VPS53: variants seen among roughly 807,000 people sequenced by gnomAD.
VPS53 encodes the protein VPS53 subunit of GARP complex, also known as vacuolar protein sorting-associated protein 53 homolog.
A neutral mutation model predicts 107.0 loss-of-function variants in VPS53; 70 were observed. The observed-to-expected ratio is 0.65, with a 90% CI of 0.54 to 0.80. VPS53 has a LOEUF of 0.80. Ranked by LOEUF, VPS53 falls within the 30% of genes least tolerant of loss-of-function variation. The probability of loss-of-function intolerance (pLI) is 0.00; values close to 1 mark genes in which losing one functional copy is unlikely to be tolerated. For synonymous variants in VPS53, 409 were observed against 393.3 expected, an observed-to-expected ratio of 1.04 and a Z score of -0.47; for missense variants, 917 against 1,049.4, an observed-to-expected ratio of 0.87 and a Z score of 1.74.
intron 4 of VPS53, among the ~76,000 whole-genome samples, chr17:678,545 C>T (rs1278230910): frequency 6.6e-6 from 1 of 151,774 alleles, no homozygotes; most frequent in Non-Finnish European, 1.5e-5. Flanking sequence ...CGGCTCACTA[C>T]AACCTCTGCC....
chr17:590,188 T>G (rs1439499287), intron 12 of VPS53, among the ~76,000 whole-genome samples: 1 of 151,914 alleles, frequency 6.6e-6, no homozygotes, highest in East Asian at 1.9e-4. Flanking sequence ...TGTCTGTTGT[T>G]GGTGTATAAG....
At chr17:612,643 C>T (rs867713178) in intron 11 of VPS53, among the ~76,000 whole-genome samples, 27 of 143,514 alleles carry the variant, frequency 1.9e-4, no homozygotes, top group African/African-American at 5.0e-4. Flanking sequence ...GTTCACACAG[C>T]GAAAACCTGT....
chr17:709,112 C>T (rs1203126400), intron 2 of VPS53, among the ~76,000 whole-genome samples: 1 of 152,116 alleles, frequency 6.6e-6, no homozygotes, highest in African/African-American at 2.4e-5. Context: ...GAGAACTTCC[C>T]GTTAAGCCCC....
At chr17:573,728 C>T (rs1014962446) in intron 13 of VPS53, among the ~76,000 whole-genome samples, 1 of 152,150 alleles carries the variant, frequency 6.6e-6, no homozygotes, top group Non-Finnish European at 1.5e-5. Context: ...TGCTCAAGGT[C>T]CCAGCCTAGC....
chr17:625,228 A>G (rs1969650625), intron 10 of VPS53, among the ~76,000 whole-genome samples: 1 of 151,794 alleles, frequency 6.6e-6, no homozygotes, highest in South Asian at 2.1e-4. Context: ...GGCTCATATG[A>G]TCCACCTGCC....
chr17:709,787 T>A (rs1180468070), intron 2 of VPS53, among the ~76,000 whole-genome samples: 1 of 152,124 alleles, frequency 6.6e-6, no homozygotes, highest in Non-Finnish European at 1.5e-5. Flanking sequence ...AAACCAATTT[T>A]GTAAGAAAAT....
chr17:565,495 T>C (rs183200330), intron 13 of VPS53, among the ~76,000 whole-genome samples: 3 of 151,864 alleles, frequency 2.0e-5, no homozygotes, highest in East Asian at 3.9e-4. Context: ...GCTTCTGGCC[T>C]AGGCTAAGTC....
chr17:573,190 C>T (rs538024862), intron 13 of VPS53, among the ~76,000 whole-genome samples: 3 of 152,236 alleles, frequency 2.0e-5, no homozygotes, highest in East Asian at 3.9e-4. Flanking sequence ...TGATGGAGAA[C>T]GCCATAGAAT....
At chr17:649,972 A>C (rs1398046964) in intron 7 of VPS53, among the ~76,000 whole-genome samples, 2 of 152,214 alleles carry the variant, frequency 1.3e-5, no homozygotes, top group Non-Finnish European at 2.9e-5. Flanking sequence ...TTAAAATAGG[A>C]AGACTGGGTT....
In VPS53 at chr17:520,038, G is replaced by A. The variant is rs1908605989; in HGVS notation, c.2224-108C>T. 1 of 725,924 alleles carries A rather than the reference G, an allele frequency of 1.4e-6. No homozygotes were observed. The highest frequency in any genetic ancestry group is 2.7e-5 in the East Asian group (1 of 36,914). 45.0% of individuals were successfully genotyped at this position (725,924 alleles called of 1,614,324 possible). On this transcript the variant is annotated intron_variant, in intron 20 of 21. Transcript: ENST00000437048. The surrounding 1 kb of genome is among the most constrained non-coding windows in gnomAD (Gnocchi z 4.4). The stretch of plus-strand genomic sequence containing the variant: ...CACTACCCACCGCAGGAGGAGACGG[G>A]AGCGGGCCCTTCAGGAAAACTCACT...
At chr17:536,998 A>AC in intron 18 of VPS53, 30 bp downstream of exon 18, 3 of 1,612,470 alleles carry the variant, frequency 1.9e-6, no homozygotes, top group Middle Eastern at 3.3e-4. Context: ...AAGAACAAGA[A>AC]CCCAGAGATG....
At chr17:622,820 C>T (rs1460811242) in intron 11 of VPS53, among the ~76,000 whole-genome samples, 2 of 151,958 alleles carry the variant, frequency 1.3e-5, no homozygotes, top group Non-Finnish European at 2.9e-5. Flanking sequence ...CTGCCTCAGC[C>T]TCCCAAGTGA....
At chr17:633,513 A>C (rs1007357984) in intron 7 of VPS53, among the ~76,000 whole-genome samples, 4 of 152,208 alleles carry the variant, frequency 2.6e-5, no homozygotes, top group Non-Finnish European at 5.9e-5. Flanking sequence ...CAACCTGCTG[A>C]GATTTTTTTT....
chr17:627,100 G>A (rs868716883), intron 10 of VPS53, 74 bp downstream of exon 10: 9 of 1,547,070 alleles, frequency 5.8e-6, no homozygotes, highest in African/African-American at 5.5e-5. Context: ...AGGACAACAT[G>A]GAACCATTAG....
intron 13 of VPS53, among the ~76,000 whole-genome samples, chr17:579,016 C>T (rs1914921114): frequency 1.4e-5 from 2 of 143,756 alleles, no homozygotes; most frequent in South Asian, 4.5e-4. Context: ...AGTGGGTTAC[C>T]AGAAAACCTC....
chr17:640,913 G>A (rs1311932313), intron 7 of VPS53, among the ~76,000 whole-genome samples: 1 of 151,976 alleles, frequency 6.6e-6, no homozygotes, highest in Non-Finnish European at 1.5e-5. Flanking sequence ...GGAGTGCAAT[G>A]GGATAATCTC....
chr17:697,037 A>C (rs2143911513), intron 4 of VPS53, among the ~76,000 whole-genome samples: 1 of 152,314 alleles, frequency 6.6e-6, no homozygotes, highest in African/African-American at 2.4e-5. Flanking sequence ...GGAAATGGTA[A>C]CTATGTCAGG....
chr17:577,155 C>T (rs1236428277), intron 13 of VPS53, among the ~76,000 whole-genome samples: 1 of 151,442 alleles, frequency 6.6e-6, no homozygotes, highest in Non-Finnish European at 1.5e-5. Context: ...CAGAAAACCT[C>T]CTTCAGAACC....
At chr17:606,322 G>A (rs1597373305) in intron 11 of VPS53, among the ~76,000 whole-genome samples, 1 of 152,246 alleles carries the variant, frequency 6.6e-6, no homozygotes, top group Non-Finnish European at 1.5e-5. Flanking sequence ...ACAGACCCGG[G>A]TTCGAGTCCA....
Sources: allele counts gnomAD v4.1 joint callset (sites outside exome capture counted in the v4.1 genomes callset), GRCh38; gene constraint gnomAD v4.1.1; non-coding constraint Gnocchi (gnomAD v3.1); transcripts MANE v1.5; gene names NCBI Gene and HGNC (gene_info 2026-07-23, HGNC 2026-07-21).